SZT2: variants seen among roughly 807,000 people sequenced by gnomAD.
SZT2 encodes the protein KICSTOR complex protein SZT2.
Under a neutral mutation model 404.2 loss-of-function variants are expected in SZT2, and 216 were observed. That is an observed-to-expected ratio of 0.53 (90% CI 0.48 to 0.60). The LOEUF (loss-of-function observed/expected upper bound fraction) is 0.60. Among genes scored for constraint, SZT2 ranks in the 20% least tolerant of loss-of-function variants. The probability of loss-of-function intolerance (pLI) is 0.00; values close to 1 mark genes in which losing one functional copy is unlikely to be tolerated. For missense variants in SZT2, 3,857 were observed against 4,459.2 expected (o/e 0.86, Z 3.85); for synonymous variants, 1,693 against 1,749.9 (o/e 0.97, Z 0.81).
chr1:43,414,202 C>T (rs1442005562), intron 4 of SZT2, among the ~76,000 whole-genome samples: 3 of 152,022 alleles, frequency 2.0e-5, no homozygotes, highest in Non-Finnish European at 4.4e-5. Flanking sequence ...ATTGCTTGAA[C>T]CCGGGAGGCG....
chr1:43,450,998 G>C lies in SZT2; in HGVS notation c.*518G>C. ...GCCACCGTCAAGTCCCTTTGCTCTC[G>C]GACCCTGGGTTTCTCATCCTTTAAT... On this transcript the variant is annotated 3_prime_UTR_variant, in exon 72 of 72. Coordinates refer to ENST00000634258, the MANE Select transcript of SZT2 (RefSeq NM_001365999.1). The surrounding 1 kb of genome is among the most constrained non-coding windows in gnomAD (Gnocchi z 4.3). 2 of 766,582 alleles carry C rather than the reference G, an allele frequency of 2.6e-6. No individual in the cohort carries two copies. The highest frequency in any genetic ancestry group is 3.4e-5 in the Admixed American group (2 of 59,010). The allele number at this position is 766,582 out of a possible 1,614,324, so 47.5% of individuals were successfully genotyped here.
rs774175486 is a variant in SZT2 at position 43,426,706 on chromosome 1, C to A, written c.3215-9C>A. 3 of 1,602,070 alleles carry A rather than the reference C, an allele frequency of 1.9e-6. No individual in the cohort carries two copies. Among genetic ancestry groups the A allele is most frequent in the East Asian group, 4.5e-5 (2 of 44,534 alleles). On this transcript the variant is annotated splice_polypyrimidine_tract_variant and intron_variant, in intron 22 of 71. Transcript: ENST00000634258. The surrounding 1 kb of genome is among the most constrained non-coding windows in gnomAD (Gnocchi z 4.9). ...TGCCCTCTTTCACCCATCTCTACCCCCATTGTAGGTGCCGAGGGGCCACTG... is the reference window on the plus strand; with the variant it reads ...TGCCCTCTTTCACCCATCTCTACCCACATTGTAGGTGCCGAGGGGCCACTG...
At chr1:43,430,453 C>A in intron 31 of SZT2, 43 bp from the exon 32 acceptor site, 1 of 1,605,342 alleles carries the variant, frequency 6.2e-7, no homozygotes, top group East Asian at 2.2e-5. Context: ...TCAAGGGTTC[C>A]ACTGCCAGCC....
At chr1:43,392,949 A>C (rs973527410) in intron 1 of SZT2, among the ~76,000 whole-genome samples, 2 of 152,222 alleles carry the variant, frequency 1.3e-5, no homozygotes, top group African/African-American at 4.8e-5. Flanking sequence ...ATCAGGGTGG[A>C]TACAGAGCCG....
Position 43,425,450 on chromosome 1 carries a change from G to A in SZT2, c.2646-24G>A. 6.2e-7 allele frequency: 1 copy of A among 1,613,636 alleles called. No homozygotes were observed. The highest frequency in any genetic ancestry group is 8.5e-7 in the Non-Finnish European group (1 of 1,179,636). ...CTCCCTGCCATGAGGCTGTGCATTG[G>A]ACTCAGAGCCCTTCCTCCTTTAGCT... is the stretch of plus-strand genomic sequence containing the variant. On this transcript the variant is annotated intron_variant, in intron 18 of 71. Coordinates refer to ENST00000634258, the MANE Select transcript of SZT2 (RefSeq NM_001365999.1). The surrounding 1 kb of genome is among the most constrained non-coding windows in gnomAD (Gnocchi z 4.3).
rs1215098236 is a variant in SZT2, at chr1:43,404,670, A to G, written c.498+120A>G. On this transcript the variant is annotated intron_variant, in intron 4 of 71. Coordinates refer to ENST00000634258, the MANE Select transcript of SZT2 (RefSeq NM_001365999.1). Reference sequence around the variant, plus strand: ...AGTCCCGAGCTCTGCTGGCTTCTTGAACCTGTTTTCTAGTCATCCTCATGA... The same window carrying G: ...AGTCCCGAGCTCTGCTGGCTTCTTGGACCTGTTTTCTAGTCATCCTCATGA... 1.3e-5 allele frequency: 14 copies of G among 1,066,524 alleles called. No homozygotes were observed. The East Asian group carries it at 3.4e-4, about 26-fold the overall frequency. 66.1% of individuals were successfully genotyped at this position (1,066,524 alleles called of 1,614,324 possible).
At chr1:43,418,437 T>C (rs1651951017) in intron 7 of SZT2, among the ~76,000 whole-genome samples, 1 of 151,860 alleles carries the variant, frequency 6.6e-6, no homozygotes. Flanking sequence ...TCTTTGAAAA[T>C]AGAAAGAAGT....
chr1:43,420,709 C>T lies in SZT2; in HGVS notation c.1262-40C>T. 1 of 1,578,932 alleles carries T rather than the reference C, an allele frequency of 6.3e-7. No individual in the cohort carries two copies. The highest frequency in any genetic ancestry group is 1.1e-5 in the South Asian group (1 of 90,502). On this transcript the variant is annotated intron_variant, in intron 9 of 71. Transcript: ENST00000634258. The surrounding 1 kb of genome is among the most constrained non-coding windows in gnomAD (Gnocchi z 5.1). Reference sequence around the variant, plus strand: ...AGAACTCGATCCCAGGCCTAGAGTCCTATGCCTTCTCCTAACTGGCCCTTC... The same window carrying T: ...AGAACTCGATCCCAGGCCTAGAGTCTTATGCCTTCTCCTAACTGGCCCTTC...
Position 43,431,713 on chromosome 1 carries a change from T to C in SZT2, c.5089-3T>C. The C allele has an allele frequency of 6.2e-7, 1 of 1,613,992 alleles. No homozygotes were observed. Among genetic ancestry groups the C allele is most frequent in the South Asian group, 1.1e-5 (1 of 91,072 alleles). On this transcript the variant is annotated splice_polypyrimidine_tract_variant and splice_region_variant and intron_variant, in intron 35 of 71. Coordinates refer to ENST00000634258, the MANE Select transcript of SZT2 (RefSeq NM_001365999.1). ...CCCTTTGTCACTTGCTGTCTAACTG[T>C]AGATCCGCTGGTTGTTGGAAGATGA...
intron 42 of SZT2, chr1:43,436,263 G>A (rs1654448985): frequency 6.6e-6 from 1 of 152,168 alleles, no homozygotes; most frequent in Non-Finnish European, 1.5e-5. Flanking sequence ...ATATCTCCAG[G>A]AGAATGCATC....
Position 43,389,921 on chromosome 1 carries a change from A to G in SZT2, c.-48A>G, listed in dbSNP as rs1158464829. On this transcript the variant is annotated 5_prime_UTR_variant, in exon 1 of 72. Coordinates refer to ENST00000634258, the MANE Select transcript of SZT2 (RefSeq NM_001365999.1). ...GCCGAGGTAGCGAGGTCAGGGGTCA[A>G]GAGTGGAACACCCTCACTGGCCCGG... 4 of 1,528,268 alleles carry G rather than the reference A, an allele frequency of 2.6e-6. No individual in the cohort carries two copies. In the South Asian group the frequency reaches 4.9e-5, roughly 19 times the overall value. 94.7% of individuals were successfully genotyped at this position (1,528,268 alleles called of 1,614,324 possible).
chr1:43,446,460 C>T (rs1655686603), intron 65 of SZT2, 44 bp downstream of exon 65: 2 of 1,610,790 alleles, frequency 1.2e-6, no homozygotes, highest in Non-Finnish European at 1.7e-6. Context: ...CCCCAGTGTG[C>T]TGTGGGCAGC....
chr1:43,393,914 C>G, intron 1 of SZT2: 1 of 162,170 alleles, frequency 6.2e-6, no homozygotes, highest in Non-Finnish European at 1.3e-5. Context: ...CACATACTAT[C>G]AATAAAGAAA....
At chr1:43,430,842 A>G in intron 32 of SZT2, 53 bp downstream of exon 32, 2 of 1,587,100 alleles carry the variant, frequency 1.3e-6, no homozygotes, top group South Asian at 2.3e-5. Flanking sequence ...CAGCCTGCCT[A>G]AGTGGGAGTG....
Position 43,428,234 on chromosome 1 carries a change from C to T in SZT2, c.3920-6C>T, listed in dbSNP as rs1334724980. ...CAAGCCTCATGGCCCCTTCCACTTC[C>T]ATCAGGGCTATTCCGCAGCTTGCAG... On this transcript the variant is annotated splice_polypyrimidine_tract_variant and splice_region_variant and intron_variant, in intron 27 of 71. Transcript: ENST00000634258. 1.9e-6 allele frequency: 3 copies of T among 1,614,188 alleles called. No individual in the cohort carries two copies. Among genetic ancestry groups the T allele is most frequent in the Non-Finnish European group, 2.5e-6 (3 of 1,180,026 alleles).
At chr1:43,390,295 TTC>T (rs752403314) in intron 1 of SZT2, among the ~76,000 whole-genome samples, 2 of 152,244 alleles carry the variant, frequency 1.3e-5, no homozygotes, top group African/African-American at 2.4e-5. Flanking sequence ...TATTTTGACT[TTC>T]TGTTGCAGTT....
chr1:43,391,932 A>ACATCGTGAGATATTT lies in SZT2; in HGVS notation c.27+1937_27+1938insCATCGTGAGATATTT, dbSNP rs1648402712. On this transcript the variant is annotated intron_variant, in intron 1 of 71. Transcript: ENST00000634258. ...CTGTCTCTACTAAAAAAAATACAAA[A>ACATCGTGAGATATTT]AATTAGCTGGGCGTGGTGGCGGGCG... Among the ~76,000 whole-genome samples, 35 of 69,290 alleles carry ACATCGTGAGATATTT rather than the reference A, an allele frequency of 5.1e-4. 13 individuals carry two copies. Among genetic ancestry groups the ACATCGTGAGATATTT allele is most frequent in the African/African-American group, 6.0e-4 (10 of 16,696 alleles). The allele number at this position is 69,290 out of a possible 152,430, so 45.5% of individuals were successfully genotyped here. A position where few individuals can be genotyped will look rare whatever the true frequency, so the allele number is the denominator to read the frequency against.
intron 4 of SZT2, chr1:43,410,467 A>G (rs905460850): frequency 3.3e-5 from 5 of 149,432 alleles, no homozygotes; most frequent in African/African-American, 1.2e-4. Context: ...AGGCAGGAGA[A>G]TCGCTTGAAC....
intron 36 of SZT2, 41 bp downstream of exon 36, chr1:43,431,942 C>T (rs749855041): frequency 3.1e-5 from 50 of 1,607,930 alleles, no homozygotes; most frequent in African/African-American, 5.3e-5. Context: ...CCTTGGGGCC[C>T]GTCCTTCCCT....
Sources: gnomAD v4.1 joint callset for allele counts (sites outside exome capture counted in the v4.1 genomes callset) on GRCh38, gnomAD v4.1.1 for gene constraint, Gnocchi (gnomAD v3.1) non-coding constraint, MANE v1.5 for transcripts, NCBI Gene and HGNC (gene_info 2026-07-23, HGNC 2026-07-21) for gene names.